Variants in SLC17A1 observed in about 807,000 individuals in gnomAD.
SLC17A1 encodes solute carrier family 17 member 1, also known as sodium-dependent phosphate transport protein 1.
In SLC17A1, 51 loss-of-function variants were observed where a neutral mutation model predicts 53.5. The ratio of observed to expected loss-of-function variants is 0.95; its 90% CI spans 0.76 to 1.20. The LOEUF is 1.20. Ranked by LOEUF, SLC17A1 falls within the 50% of genes most tolerant of loss-of-function variation. SLC17A1 has a pLI of 0.00. For synonymous variants in SLC17A1, 179 were observed against 198.8 expected (o/e 0.90, Z 0.84); for missense variants, 538 against 568.2 (o/e 0.95, Z 0.54).
the SLC17A1 span, among the ~76,000 whole-genome samples, chr6:25,727,999 G>A: frequency 1.2e-4 from 18 of 152,058 alleles, no homozygotes; most frequent in African/African-American, 3.9e-4. Flanking sequence ...TGGTGACAGC[G>A]AGACTGTCTC....
At chr6:25,732,527 C>A in the SLC17A1 span, 3 of 467,832 alleles carry the variant, frequency 6.4e-6, no homozygotes, top group Non-Finnish European at 1.2e-5. Flanking sequence ...GCGGTGTCAA[C>A]GGGCTGCTCA....
At position 25,830,512 on chromosome 6, in the gene SLC17A1, A is replaced by C; in HGVS notation, c.34+12T>G. The C allele has an allele frequency of 6.3e-7, 1 of 1,599,786 alleles. No homozygotes were observed. Among genetic ancestry groups the C allele is most frequent in the Non-Finnish European group, 8.6e-7 (1 of 1,166,944 alleles). On this transcript the variant is annotated intron_variant, in intron 2 of 12. Coordinates refer to ENST00000244527, the MANE Select transcript of SLC17A1 (RefSeq NM_005074.5). The stretch of plus-strand genomic sequence containing the variant: ...AAGAACACCTGTTTAATGGAACAGA[A>C]TAAAGTGCTACCTTTTTTGGGAGGC...
intron 10 of SLC17A1, among the ~76,000 whole-genome samples, chr6:25,809,713 A>G (rs768870257): frequency 6.6e-6 from 1 of 152,138 alleles, no homozygotes; most frequent in Admixed American, 6.6e-5. Context: ...TAAAGATTCA[A>G]TGCAATCCTT....
At chr6:25,810,099 T>C (rs1336838217) in intron 10 of SLC17A1, among the ~76,000 whole-genome samples, 2 of 152,090 alleles carry the variant, frequency 1.3e-5, no homozygotes, top group Non-Finnish European at 2.9e-5. Context: ...GCGTGCCTTA[T>C]ATAAAAATCA....
At chr6:25,823,345 G>T (rs1157616960) in intron 3 of SLC17A1, among the ~76,000 whole-genome samples, 2 of 152,130 alleles carry the variant, frequency 1.3e-5, no homozygotes, top group Non-Finnish European at 2.9e-5. Flanking sequence ...GCAGTGGAAT[G>T]GCTGTCTCAT....
chr6:25,758,126 T>A, the SLC17A1 span, among the ~76,000 whole-genome samples: 1 of 152,198 alleles, frequency 6.6e-6, no homozygotes, highest in Non-Finnish European at 1.5e-5. Context: ...CCTCATGCCC[T>A]TAGATTCTGA....
the SLC17A1 span, chr6:25,754,682 A>C: frequency 6.6e-6 from 1 of 152,200 alleles, no homozygotes; most frequent in African/African-American, 2.4e-5. Context: ...TAAGGGCTAA[A>C]GGTTTTGGGT....
chr6:25,826,346 G>A (rs115398536), intron 3 of SLC17A1, 115 bp downstream of exon 3: 8,773 of 802,096 alleles, frequency 0.011, 150 homozygotes, highest in East Asian at 0.074. Context: ...GGTAGATGAA[G>A]ACTTGAGCTT....
At chr6:25,773,594 T>C in the SLC17A1 span, 17 of 1,613,916 alleles carry the variant, frequency 1.1e-5, no homozygotes, top group African/African-American at 2.0e-4. Flanking sequence ...CTCTTATTTC[T>C]GTGAATACTG....
chr6:25,770,977 A>C, the SLC17A1 span: 12 of 1,613,924 alleles, frequency 7.4e-6, no homozygotes, highest in Non-Finnish European at 1.0e-5. Flanking sequence ...CTCCTCTGCC[A>C]GACCATAGGA....
chr6:25,812,485 T>C (rs62394268), intron 8 of SLC17A1, among the ~76,000 whole-genome samples: 14,122 of 152,246 alleles, frequency 0.093, 835 homozygotes, highest in Middle Eastern at 0.15. Context: ...TGACAGGGCC[T>C]GGCTAAGTGA....
the SLC17A1 span, chr6:25,776,644 T>A: frequency 6.2e-7 from 1 of 1,613,792 alleles, no homozygotes. Flanking sequence ...ATCTGCATTA[T>A]CCTTGGAGGT....
chr6:25,812,346 G>A (rs536611502), intron 8 of SLC17A1, among the ~76,000 whole-genome samples: 5 of 152,290 alleles, frequency 3.3e-5, no homozygotes, highest in Non-Finnish European at 4.4e-5. Context: ...GAGTTTGCCC[G>A]TATCAGTGAT....
At chr6:25,778,949 G>A (rs1406907912), downstream of SLC17A1, 19 of 1,452,126 alleles carry the variant, frequency 1.3e-5, no homozygotes, top group African/African-American at 4.2e-5. Flanking sequence ...GGAAGCCAGA[G>A]TGGAGGTCGG....
At chr6:25,822,069 A>T (rs960114148) in intron 3 of SLC17A1, among the ~76,000 whole-genome samples, 9 of 152,190 alleles carry the variant, frequency 5.9e-5, no homozygotes, top group Non-Finnish European at 1.3e-4. Flanking sequence ...TGGTACACTT[A>T]AAAAAGAATA....
chr6:25,811,849 A>G (rs1172985075), intron 8 of SLC17A1, 79 bp from the exon 9 acceptor site: 4 of 1,452,160 alleles, frequency 2.8e-6, no homozygotes, highest in African/African-American at 1.4e-5. Context: ...CTATGCTAAA[A>G]TTTATTATCT....
At chr6:25,816,326 G>A (rs1459360580) in intron 6 of SLC17A1, among the ~76,000 whole-genome samples, 1 of 152,174 alleles carries the variant, frequency 6.6e-6, no homozygotes, top group Non-Finnish European at 1.5e-5. Context: ...TATGCAAATA[G>A]TGCCTCCTAC....
chr6:25,801,022 ATAC>A (rs1278405271), intron 10 of SLC17A1, 42 bp from the exon 11 acceptor site: 7 of 1,063,502 alleles, frequency 6.6e-6, no homozygotes, highest in Non-Finnish European at 1.0e-5. Flanking sequence ...AGTAGTACAA[ATAC>A]TGCAGGAAAT....
intron 2 of SLC17A1, 38 bp downstream of exon 2, chr6:25,830,486 A>G: frequency 6.9e-7 from 1 of 1,454,410 alleles, no homozygotes; most frequent in Non-Finnish European, 9.7e-7. Flanking sequence ...TATTTAAGAA[A>G]AAGAACACCT....
Sources: gnomAD v4.1 joint callset for allele counts (sites outside exome capture counted in the v4.1 genomes callset) on GRCh38, gnomAD v4.1.1 for gene constraint, MANE v1.5 for transcripts, NCBI Gene and HGNC (gene_info 2026-07-23, HGNC 2026-07-21) for gene names.